CYP2A7: variants seen among roughly 807,000 people sequenced by gnomAD.
CYP2A7 encodes cytochrome P450 2A7.
In CYP2A7, 36 loss-of-function variants were observed where a neutral mutation model predicts 42.0. The ratio of observed to expected loss-of-function variants is 0.86; its 90% CI spans 0.66 to 1.13. CYP2A7 has a LOEUF of 1.13. Among genes scored for constraint, CYP2A7 ranks in the 50% most tolerant of loss-of-function variants. The probability of loss-of-function intolerance (pLI) is 0.00; values close to 1 mark genes in which losing one functional copy is unlikely to be tolerated. For synonymous variants in CYP2A7, 260 were observed against 249.5 expected (o/e 1.04, Z -0.40); for missense variants, 661 against 634.1 (o/e 1.04, Z -0.46).
intron 8 of CYP2A7, among the ~76,000 whole-genome samples, chr19:40,876,159 T>C (rs949381465): frequency 3.9e-5 from 6 of 151,966 alleles, no homozygotes; most frequent in African/African-American, 1.4e-4. Flanking sequence ...AGGCATAATG[T>C]CACACATCCA....
chr19:40,880,811 G>C (rs1202702901), intron 2 of CYP2A7, among the ~76,000 whole-genome samples, 183 bp from the exon 3 acceptor site: 1 of 13,004 alleles, frequency 7.7e-5, no homozygotes, highest in Non-Finnish European at 2.2e-4. Context: ...GAGAGAGAGA[G>C]AGAGAGAGAG....
At chr19:40,879,430 C>G (rs4803390) in intron 4 of CYP2A7, among the ~76,000 whole-genome samples, 75,552 of 151,052 alleles carry the variant, frequency 0.5, 19,719 homozygotes, top group Admixed American at 0.62. Context: ...TGTTGAAGTG[C>G]AGGGGATACC....
rs766320347 is a variant in CYP2A7 at position 40,876,525 on chromosome 19, A to C, written c.1303+2T>G. Reference sequence around the variant, plus strand: ...GCCTGGCAGCAAACAGTGGTCTCTTACCGATGGAAAAGGGCACAAAAGCAT... The same window carrying C: ...GCCTGGCAGCAAACAGTGGTCTCTTCCCGATGGAAAAGGGCACAAAAGCAT... On this transcript the variant is annotated splice_donor_variant, in intron 8 of 8. Transcript: ENST00000301146. LOFTEE classifies it high-confidence loss of function. 3 of 1,612,838 alleles carry C rather than the reference A, an allele frequency of 1.9e-6. No individual in the cohort carries two copies. In the South Asian group the frequency reaches 3.3e-5, roughly 18 times the overall value.
In CYP2A7 at chr19:40,881,562, C is replaced by T. The variant is rs762652076; in HGVS notation, c.343+27G>A. On this transcript the variant is annotated intron_variant, in intron 2 of 8. Transcript: ENST00000301146. ...TGAGACCATCGTGTCCGCCTGGCCA[C>T]CTTCCCCATCTTGGGCACCCCCTCA... 10 of 1,610,600 alleles carry T rather than the reference C, an allele frequency of 6.2e-6. 1 individual carries two copies. Among genetic ancestry groups the T allele is most frequent in the Non-Finnish European group, 7.6e-6 (9 of 1,178,890 alleles).
At chr19:40,876,864 G>T in intron 7 of CYP2A7, 196 bp from the exon 8 acceptor site, 2 of 787,518 alleles carry the variant, frequency 2.5e-6, no homozygotes, top group South Asian at 1.9e-5. Context: ...GAGACATGGG[G>T]TCCATGTCTT....
rs1967646566 is a variant in CYP2A7, at chr19:40,880,707, AAGGGTGGAGC to A, written c.344-89_344-80del. ...GCGGACCAGTTCCAAGGGGCTCCCCAAGGGTGGAGCAGAGGGGTAGTGGGGTGGGAGAGAG... is the reference window on the plus strand; with the variant it reads ...GCGGACCAGTTCCAAGGGGCTCCCCAAGAGGGGTAGTGGGGTGGGAGAGAG... On this transcript the variant is annotated intron_variant, in intron 2 of 8. Transcript: ENST00000301146. 2.0e-6 allele frequency: 3 copies of A among 1,479,804 alleles called. No homozygotes were observed. The East Asian group carries it at 7.3e-5, about 36-fold the overall frequency. The allele number at this position is 1,479,804 out of a possible 1,614,324, so 91.7% of individuals were successfully genotyped here.
At chr19:40,880,379 C>G (rs1176457958) in intron 3 of CYP2A7, 100 bp downstream of exon 3, 1 of 1,551,068 alleles carries the variant, frequency 6.4e-7, no homozygotes, top group Non-Finnish European at 8.7e-7. Flanking sequence ...GTGCGGGCGC[C>G]TTTCCCCACC....
At chr19:40,880,697 G>C in intron 2 of CYP2A7, 69 bp from the exon 3 acceptor site, 2 of 1,535,904 alleles carry the variant, frequency 1.3e-6, no homozygotes, top group East Asian at 4.7e-5. Context: ...CCAGTTCCAA[G>C]GGGCTCCCCA....
chr19:40,880,675 G>A (rs1967645195), intron 2 of CYP2A7, 47 bp from the exon 3 acceptor site: 2 of 1,579,074 alleles, frequency 1.3e-6, no homozygotes, highest in South Asian at 1.1e-5. Context: ...GGGCGGCGGT[G>A]GCAGGAGCGG....
intron 6 of CYP2A7, 96 bp from the exon 7 acceptor site, chr19:40,877,473 C>A (rs16958956): frequency 0.75 from 1,155,183 of 1,530,156 alleles, 442,763 homozygotes; most frequent in African/African-American, 0.92. Context: ...ATACGGCTCC[C>A]CCTATGAGAC....
intron 6 of CYP2A7, 95 bp downstream of exon 6, chr19:40,877,757 G>T (rs1236928791): frequency 4.0e-6 from 6 of 1,501,536 alleles, no homozygotes; most frequent in Non-Finnish European, 5.4e-6. Context: ...CACGTCTCAG[G>T]GTCCTGGGAT....
chr19:40,878,670 A>G, intron 5 of CYP2A7, 90 bp downstream of exon 5: 1 of 1,531,422 alleles, frequency 6.5e-7, no homozygotes. Context: ...GGCTAATTTG[A>G]ACGGGTCTGT....
rs568690664 is a variant in CYP2A7, at chr19:40,880,939, G to T, written c.344-311C>A. Among the ~76,000 whole-genome samples the T allele has an allele frequency of 7.4e-4, 112 of 150,584 alleles. 2 individuals carry two copies. Among genetic ancestry groups the T allele is most frequent in the Non-Finnish European group, 1.3e-3 (87 of 67,500 alleles). ...GATGCGCAGAGAAACAGAGGGATAAGGGGATACTCCATGGAGGAAGGGTAG... is the reference window on the plus strand; with the variant it reads ...GATGCGCAGAGAAACAGAGGGATAATGGGATACTCCATGGAGGAAGGGTAG... On this transcript the variant is annotated intron_variant, in intron 2 of 8. Coordinates refer to ENST00000301146, the MANE Select transcript of CYP2A7 (RefSeq NM_000764.3).
In CYP2A7 at chr19:40,877,604, C is replaced by T. The variant is rs1039559100; in HGVS notation, c.974-227G>A. On this transcript the variant is annotated intron_variant, in intron 6 of 8. Coordinates refer to ENST00000301146, the MANE Select transcript of CYP2A7 (RefSeq NM_000764.3). ...ACAGGGAGGAACTTAGGAGATGACC[C>T]GGGGGAAGGGGCAGCGGGCACTCAG... Among the ~76,000 whole-genome samples the T allele has an allele frequency of 1.2e-4, 18 of 151,316 alleles. 1 individual carries two copies. Among genetic ancestry groups the T allele is most frequent in the Non-Finnish European group, 2.2e-4 (15 of 67,724 alleles).
intron 8 of CYP2A7, chr19:40,876,312 A>G (rs1265754588): frequency 1.4e-6 from 1 of 733,852 alleles, no homozygotes; most frequent in Non-Finnish European, 2.3e-6. Context: ...CTAGAGAAAT[A>G]CATCTACGGG....
Position 40,880,508 on chromosome 19 carries a change from A to T in CYP2A7, c.464T>A (p.Phe155Tyr). ...CGTGCTCCGGATGGCCTCGATGAGG[A>T]AGCCCGACTCCTCCTGGATGCGCTC... Reference protein sequence around the residue: ...IEERIQEESGFLIEAIRSTHG... With the variant: ...IEERIQEESGYLIEAIRSTHG... Residue 155 changes from phenylalanine (F) to tyrosine (Y), a missense_variant, in exon 3 of 9, where the codon TTC (phenylalanine) becomes TAC (tyrosine). Physicochemically the swap from Phe to Tyr is conservative, Grantham distance 22. Around this residue, in one of 3 missense-constraint regions of CYP2A7, gnomAD observed 614 missense variants for 552.4 expected, o/e 1.11. Coordinates refer to ENST00000301146, the MANE Select transcript of CYP2A7 (RefSeq NM_000764.3). The T allele has an allele frequency of 6.2e-7, 1 of 1,612,452 alleles. No homozygotes were observed. The highest frequency in any genetic ancestry group is 1.1e-5 in the South Asian group (1 of 91,002).
intron 3 of CYP2A7, 63 bp downstream of exon 3, chr19:40,880,416 C>T (rs1300632136): frequency 1.3e-6 from 2 of 1,581,930 alleles, no homozygotes; most frequent in Non-Finnish European, 1.7e-6. Context: ...GCAGAACGCG[C>T]GCGGGTTCCT....
At chr19:40,875,918 A>C (rs1367087693) in intron 8 of CYP2A7, 44 bp from the exon 9 acceptor site, 9 of 1,495,368 alleles carry the variant, frequency 6.0e-6, no homozygotes. Flanking sequence ...GCCCACTCTC[A>C]GTGCAGCCTC....
chr19:40,877,933 G>A lies in CYP2A7; in HGVS notation c.892C>T (p.Leu298Phe). 1 of 1,612,610 alleles carries A rather than the reference G, an allele frequency of 6.2e-7. No individual in the cohort carries two copies. The highest frequency in any genetic ancestry group is 8.5e-7 in the Non-Finnish European group (1 of 1,179,056). Residue 298 changes from leucine to phenylalanine, a missense_variant, in exon 6 of 9, where the codon CTC becomes TTC. Leu to Phe is a conservative substitution (Grantham distance 22, BLOSUM62 0). Transcript: ENST00000301146. ...LKNLMMSTLN[L>F]FIAGTETVST... ...ACCGTCTCGGTGCCTGCAATGAAGA[G>A]GTTCAACGTGCTCATCATCAGGTTC...
Sources: gnomAD v4.1 joint callset for allele counts (sites outside exome capture counted in the v4.1 genomes callset) on GRCh38, gnomAD v4.1.1 for gene constraint, gnomAD v4.1.1 regional missense constraint, MANE v1.5 for transcripts, NCBI Gene and HGNC (gene_info 2026-07-23, HGNC 2026-07-21) for gene names.